Variants in TENM1 observed in about 807,000 individuals in gnomAD.
TENM1 encodes the protein teneurin-1.
A neutral mutation model predicts 174.8 loss-of-function variants in TENM1; 35 were observed. The ratio of observed to expected loss-of-function variants is 0.20; its 90% CI spans 0.15 to 0.27. The LOEUF (loss-of-function observed/expected upper bound fraction) is 0.27, where lower values mean the gene tolerates loss of function less well. TENM1 is among the 10% of genes least tolerant of loss of function. The probability of loss-of-function intolerance (pLI) is 1.00; values close to 1 mark genes in which losing one functional copy is unlikely to be tolerated. For synonymous variants in TENM1, 781 were observed against 798.7 expected (o/e 0.98, Z 0.37); for missense variants, 1,633 against 2,130.1 (o/e 0.77, Z 4.59).
At chrX:124,569,833 G>T (rs1207902118) in intron 11 of TENM1, among the ~76,000 whole-genome samples, 1 of 110,988 alleles carries the variant, frequency 9.0e-6, no homozygotes, top group African/African-American at 3.3e-5. Flanking sequence ...GAAAACCAAT[G>T]TATACAAGAA....
intron 3 of TENM1, among the ~76,000 whole-genome samples, chrX:124,755,983 C>T (rs1376979810): frequency 5.0e-5 from 5 of 100,065 alleles, no homozygotes; most frequent in Admixed American, 1.0e-4. Flanking sequence ...TTGCTCTTCT[C>T]GAGGAGTATC....
intron 4 of TENM1, among the ~76,000 whole-genome samples, chrX:124,713,569 G>C (rs373935202): frequency 7.1e-5 from 8 of 112,238 alleles, no homozygotes; most frequent in African/African-American, 2.3e-4. Flanking sequence ...TGCCCAGCCG[G>C]GAGATCCTTT....
the TENM1 span, among the ~76,000 whole-genome samples, chrX:125,050,153 TTTA>T: frequency 2.0e-4 from 21 of 107,250 alleles, no homozygotes; most frequent in Non-Finnish European, 1.7e-4. Flanking sequence ...ATAGAATCTT[TTTA>T]TTATTATTAT....
chrX:124,566,081 G>A (rs1448397017), intron 11 of TENM1, among the ~76,000 whole-genome samples: 4 of 111,657 alleles, frequency 3.6e-5, no homozygotes. Flanking sequence ...TTTTATGATA[G>A]TATAAGGTAT....
intron 1 of TENM1, among the ~76,000 whole-genome samples, chrX:124,955,805 AC>A (rs751036595): frequency 6.4e-5 from 7 of 109,306 alleles, no homozygotes; most frequent in African/African-American, 2.0e-4. Flanking sequence ...ACGCACACAC[AC>A]ACACACACAC....
chrX:124,458,427 G>A (rs902235414), intron 22 of TENM1, among the ~76,000 whole-genome samples: 4 of 112,147 alleles, frequency 3.6e-5, no homozygotes, highest in Non-Finnish European at 7.5e-5. Context: ...ATTTCACTGT[G>A]TGGTTAACAG....
the TENM1 span, among the ~76,000 whole-genome samples, chrX:125,174,853 C>T: frequency 3.4e-3 from 378 of 111,742 alleles, 2 homozygotes; most frequent in African/African-American, 0.012. Flanking sequence ...TACCACTTAC[C>T]TACTGTGTAA....
At chrX:124,800,907 G>C (rs1381791430) in intron 3 of TENM1, among the ~76,000 whole-genome samples, 2 of 111,942 alleles carry the variant, frequency 1.8e-5, no homozygotes, top group African/African-American at 3.2e-5. Flanking sequence ...TAGTTGTGTG[G>C]TTTTCAGTGA....
intron 3 of TENM1, among the ~76,000 whole-genome samples, chrX:124,817,153 C>A (rs2055916089): frequency 9.0e-6 from 1 of 111,136 alleles, no homozygotes; most frequent in South Asian, 3.8e-4. Flanking sequence ...GCTTTCTGTA[C>A]TTGTGATAGT....
intron 5 of TENM1, among the ~76,000 whole-genome samples, chrX:124,680,916 C>T (rs765680836): frequency 9.1e-6 from 1 of 110,168 alleles, no homozygotes; most frequent in African/African-American, 3.3e-5. Flanking sequence ...CAATAGTAAC[C>T]AGGTTCTTTT....
chrX:124,476,196 G>A (rs181694234), intron 22 of TENM1, among the ~76,000 whole-genome samples: 1 of 111,760 alleles, frequency 8.9e-6, no homozygotes, highest in East Asian at 2.8e-4. Context: ...TCAGCAAAAA[G>A]TCACTGATTA....
chrX:124,958,097 G>A (rs770744986), intron 1 of TENM1, among the ~76,000 whole-genome samples: 2 of 111,595 alleles, frequency 1.8e-5, no homozygotes, highest in South Asian at 7.5e-4. Flanking sequence ...CCTGCCAAAA[G>A]TCATATGAAA....
the TENM1 span, among the ~76,000 whole-genome samples, chrX:125,171,650 C>A: frequency 9.0e-6 from 1 of 111,418 alleles, no homozygotes; most frequent in African/African-American, 3.3e-5. Context: ...ACATCACTGT[C>A]AAGTCACCAG....
At chrX:124,417,481 G>C (rs2060607039) in intron 25 of TENM1, among the ~76,000 whole-genome samples, 1 of 111,194 alleles carries the variant, frequency 9.0e-6, no homozygotes, top group South Asian at 3.8e-4. Context: ...CAAAGTGCAG[G>C]GATTACTGGT....
At chrX:124,678,119 GC>G (rs1157939647) in intron 5 of TENM1, among the ~76,000 whole-genome samples, 2 of 111,149 alleles carry the variant, frequency 1.8e-5, no homozygotes, top group Non-Finnish European at 3.8e-5. Flanking sequence ...CTTTATATTG[GC>G]AGTTGAAATT....
chrX:124,806,936 G>T (rs1293098766), intron 3 of TENM1, among the ~76,000 whole-genome samples: 4 of 111,435 alleles, frequency 3.6e-5, no homozygotes, highest in Admixed American at 1.9e-4. Flanking sequence ...AAGAAAAGAG[G>T]TTTACTTGGC....
chrX:125,024,366 GCACACACA>G, the TENM1 span, among the ~76,000 whole-genome samples: 1 of 103,281 alleles, frequency 9.7e-6, no homozygotes, highest in African/African-American at 3.6e-5. Flanking sequence ...ACATACATAT[GCACACACA>G]CACACACACA....
At chrX:124,584,852 A>C (rs1450142224) in intron 11 of TENM1, among the ~76,000 whole-genome samples, 9 of 110,894 alleles carry the variant, frequency 8.1e-5, no homozygotes, top group African/African-American at 1.6e-4. Flanking sequence ...TCTACCAAGC[A>C]AATGGAAAAC....
the TENM1 span, among the ~76,000 whole-genome samples, chrX:125,083,752 A>G: frequency 9.0e-6 from 1 of 111,281 alleles, no homozygotes; most frequent in Non-Finnish European, 1.9e-5. Flanking sequence ...ATATCCACAT[A>G]TTGAAAATAA....
Sources: gnomAD v4.1 joint callset for allele counts (sites outside exome capture counted in the v4.1 genomes callset) on GRCh38, gnomAD v4.1.1 for gene constraint, MANE v1.5 for transcripts, NCBI Gene and HGNC (gene_info 2026-07-23, HGNC 2026-07-21) for gene names.